Variants in ADAM22 observed in about 807,000 individuals in gnomAD.
The protein encoded by ADAM22 is disintegrin and metalloproteinase domain-containing protein 22.
A neutral mutation model predicts 144.6 loss-of-function variants in ADAM22; 65 were observed. The ratio of observed to expected loss-of-function variants is 0.45; its 90% CI spans 0.37 to 0.55. ADAM22 has a LOEUF of 0.55. ADAM22 is among the 20% of genes least tolerant of loss of function. The pLI is 0.00. For synonymous variants in ADAM22, 391 were observed against 412.6 expected (o/e 0.95, Z 0.63); for missense variants, 974 against 1,184.9 (o/e 0.82, Z 2.61).
At chr7:88,101,457 A>T (rs1822910037) in intron 4 of ADAM22, among the ~76,000 whole-genome samples, 1 of 152,088 alleles carries the variant, frequency 6.6e-6, no homozygotes, top group South Asian at 2.1e-4. Context: ...AACCATTCCT[A>T]TCTGCCTGTG....
In ADAM22 at chr7:88,151,150, G is replaced by C. The variant is rs1013148718; in HGVS notation, c.1618-107G>C. 8 of 1,510,062 alleles carry C rather than the reference G, an allele frequency of 5.3e-6. No homozygotes were observed. In the African/African-American group the frequency reaches 6.9e-5, roughly 13 times the overall value. 93.5% of individuals were successfully genotyped at this position (1,510,062 alleles called of 1,614,324 possible). ...TTGTAATCAATTCTGAAGATAAAAG[G>C]CCTCTCTACTATTCATCTATTATTT... On this transcript the variant is annotated intron_variant, in intron 19 of 31. Transcript: ENST00000413139.
In ADAM22 at chr7:88,122,560, T is replaced by C. The variant is rs141756035; in HGVS notation, c.608-3029T>C. On this transcript the variant is annotated intron_variant, in intron 7 of 31. Coordinates refer to ENST00000413139, the MANE Select transcript of ADAM22 (RefSeq NM_001324418.2). ...CTAGGTCTCTAAGCATTTCATCCCG[T>C]TATAGCATCTGCTCAAAGTCTGGAA... Among the ~76,000 whole-genome samples the C allele has an allele frequency of 1.8e-3, 275 of 152,288 alleles. 2 individuals are homozygous for C. The highest frequency in any genetic ancestry group is 5.0e-3 in the South Asian group (24 of 4,824).
intron 2 of ADAM22, among the ~76,000 whole-genome samples, chr7:87,974,517 G>A (rs1411726353): frequency 6.6e-6 from 1 of 152,066 alleles, no homozygotes; most frequent in Admixed American, 6.6e-5. Flanking sequence ...GATCCTTGAG[G>A]CCTCATGAGT....
At chr7:88,162,410 A>G (rs1196932718) in intron 22 of ADAM22, among the ~76,000 whole-genome samples, 1 of 152,026 alleles carries the variant, frequency 6.6e-6, no homozygotes, top group Non-Finnish European at 1.5e-5. Context: ...GGATGATGAA[A>G]TATTCTGCAC....
intron 4 of ADAM22, among the ~76,000 whole-genome samples, chr7:88,095,917 C>T (rs1484058522): frequency 1.4e-5 from 2 of 146,470 alleles, no homozygotes; most frequent in Non-Finnish European, 3.0e-5. Flanking sequence ...ATACTCTCTC[C>T]CCACCCGCCC....
At chr7:88,002,402 C>T (rs1006770669) in intron 3 of ADAM22, among the ~76,000 whole-genome samples, 8 of 152,074 alleles carry the variant, frequency 5.3e-5, no homozygotes, top group African/African-American at 1.2e-4. Context: ...ACTGGGTGCA[C>T]GCACACTGGG....
chr7:88,021,766 A>G (rs757886030), intron 3 of ADAM22, among the ~76,000 whole-genome samples: 6 of 152,186 alleles, frequency 3.9e-5, no homozygotes, highest in Non-Finnish European at 7.3e-5. Context: ...AGGAGAGTGG[A>G]GCCATGACTT....
intron 30 of ADAM22, among the ~76,000 whole-genome samples, chr7:88,191,671 C>T (rs3810875): frequency 1.3e-5 from 2 of 151,850 alleles, no homozygotes; most frequent in Non-Finnish European, 2.9e-5. Flanking sequence ...TTTAATAGAA[C>T]TTTAGAGAAT....
At chr7:88,117,733 G>A (rs956787786) in intron 7 of ADAM22, among the ~76,000 whole-genome samples, 7 of 142,316 alleles carry the variant, frequency 4.9e-5, no homozygotes, top group Non-Finnish European at 6.0e-5. Flanking sequence ...TTGCTCTATC[G>A]CCCAGGCTGG....
At chr7:88,080,995 G>T (rs373228408) in intron 4 of ADAM22, among the ~76,000 whole-genome samples, 3 of 152,084 alleles carry the variant, frequency 2.0e-5, no homozygotes, top group Admixed American at 1.3e-4. Flanking sequence ...ATTTTATGAG[G>T]CCAGCATCAT....
intron 2 of ADAM22, among the ~76,000 whole-genome samples, chr7:87,971,886 T>A (rs1331667897): frequency 6.6e-6 from 1 of 152,252 alleles, no homozygotes; most frequent in East Asian, 1.9e-4. Flanking sequence ...TTCTCCAAGA[T>A]AACCTTAAGA....
chr7:88,165,982 A>C (rs1306755642), intron 24 of ADAM22, 36 bp downstream of exon 24: 11 of 1,477,198 alleles, frequency 7.4e-6, no homozygotes, highest in Non-Finnish European at 9.3e-6. Context: ...TGTAGTCTTT[A>C]TACACAAAGA....
chr7:88,043,639 T>A lies in ADAM22; in HGVS notation c.324-31987T>A, dbSNP rs75242009. Reference sequence around the variant, plus strand: ...ATCACTTAAGCCCAGGAGTTAGAGGTTCTAGTATGTTACGATTGTGGAGTG... The same window carrying A: ...ATCACTTAAGCCCAGGAGTTAGAGGATCTAGTATGTTACGATTGTGGAGTG... On this transcript the variant is annotated intron_variant, in intron 3 of 31. Coordinates refer to ENST00000413139, the MANE Select transcript of ADAM22 (RefSeq NM_001324418.2). 8.8e-3 allele frequency among the ~76,000 whole-genome samples: 1,339 copies of A among 151,840 alleles called. 11 individuals are homozygous for A. Among genetic ancestry groups the A allele is most frequent in the Non-Finnish European group, 0.012 (821 of 67,904 alleles).
At chr7:87,955,672 G>T (rs1846489930) in intron 2 of ADAM22, among the ~76,000 whole-genome samples, 1 of 152,186 alleles carries the variant, frequency 6.6e-6, no homozygotes, top group South Asian at 2.1e-4. Context: ...TGTCAGACAG[G>T]GACATTTAAG....
At chr7:88,002,309 C>A (rs924500366) in intron 3 of ADAM22, among the ~76,000 whole-genome samples, 1 of 152,126 alleles carries the variant, frequency 6.6e-6, no homozygotes, top group Non-Finnish European at 1.5e-5. Context: ...CTGAGTCTCA[C>A]TGTCTGGAAC....
chr7:88,171,687 C>G, intron 26 of ADAM22, 126 bp downstream of exon 26: 1 of 712,692 alleles, frequency 1.4e-6, no homozygotes, highest in East Asian at 3.3e-5. Flanking sequence ...ATACACTAAT[C>G]GATTTTTCAT....
At chr7:88,131,693 ACTG>A (rs1831830810) in intron 11 of ADAM22, 7 of 498,670 alleles carry the variant, frequency 1.4e-5, no homozygotes, top group African/African-American at 3.8e-5. Flanking sequence ...GAGTAAAAAT[ACTG>A]CTAATACTCA....
intron 4 of ADAM22, among the ~76,000 whole-genome samples, chr7:88,080,562 GT>G (rs1057451101): frequency 7.2e-5 from 11 of 151,900 alleles, no homozygotes; most frequent in Admixed American, 3.9e-4. Flanking sequence ...CCAGGAGCTG[GT>G]TTTTTTTAAA....
intron 21 of ADAM22, 127 bp from the exon 22 acceptor site, chr7:88,155,760 C>T: frequency 9.2e-7 from 1 of 1,082,690 alleles, no homozygotes; most frequent in Admixed American, 2.8e-5. Context: ...TATTTTATTT[C>T]ACTTGGCATA....
Sources: gnomAD v4.1 joint callset for allele counts (sites outside exome capture counted in the v4.1 genomes callset) on GRCh38, gnomAD v4.1.1 for gene constraint, MANE v1.5 for transcripts, NCBI Gene and HGNC (gene_info 2026-07-23, HGNC 2026-07-21) for gene names.